ACACA: variants seen among roughly 807,000 people sequenced by gnomAD.
The protein encoded by ACACA is acetyl-CoA carboxylase 1.
Under a neutral mutation model 296.1 loss-of-function variants are expected in ACACA, and 103 were observed. The ratio of observed to expected loss-of-function variants is 0.35; its 90% CI spans 0.30 to 0.41. ACACA has a LOEUF of 0.41. Among genes scored for constraint, ACACA ranks in the 10% least tolerant of loss-of-function variants. ACACA has a pLI of 1.00. For synonymous variants in ACACA, 953 were observed against 1,038.6 expected (o/e 0.92, Z 1.58); for missense variants, 1,554 against 2,989.7 (o/e 0.52, Z 11.20).
intron 1 of ACACA, chr17:37,385,941 A>G (rs1429300144): frequency 2.1e-5 from 23 of 1,070,568 alleles, no homozygotes; most frequent in Non-Finnish European, 3.2e-5. Context: ...GCAGGGTTTC[A>G]TCAGATAAAA....
At chr17:37,105,829 A>G (rs1433078466) in intron 52 of ACACA, among the ~76,000 whole-genome samples, 1 of 150,096 alleles carries the variant, frequency 6.7e-6, no homozygotes, top group East Asian at 2.0e-4. Flanking sequence ...GTGCCATTGC[A>G]CTCCAGCCTG....
intron 50 of ACACA, among the ~76,000 whole-genome samples, chr17:37,116,881 A>T (rs1266680222): frequency 1.3e-5 from 2 of 152,260 alleles, no homozygotes; most frequent in Non-Finnish European, 2.9e-5. Context: ...ATCAGTCTAC[A>T]GAATTTTAAA....
chr17:37,202,207 T>C (rs2078280527), intron 33 of ACACA, among the ~76,000 whole-genome samples: 4 of 152,224 alleles, frequency 2.6e-5, no homozygotes, highest in Admixed American at 6.5e-5. Flanking sequence ...CAAGCATCAG[T>C]AGCTATGTTC....
At chr17:37,343,344 T>C (rs1349015535) in intron 1 of ACACA, among the ~76,000 whole-genome samples, 1 of 152,194 alleles carries the variant, frequency 6.6e-6, no homozygotes, top group Non-Finnish European at 1.5e-5. Context: ...CTCCTTGAAC[T>C]CAAATTACAC....
intron 1 of ACACA, among the ~76,000 whole-genome samples, chr17:37,359,596 A>G (rs915506755): frequency 2.6e-5 from 4 of 152,088 alleles, no homozygotes; most frequent in Non-Finnish European, 1.5e-5. Flanking sequence ...GTCCCAAGTG[A>G]GGGGCCAGGA....
chr17:37,206,755 A>C (rs2078518895), intron 32 of ACACA, 28 bp downstream of exon 32: 2 of 1,531,980 alleles, frequency 1.3e-6, no homozygotes, highest in Non-Finnish European at 9.0e-7. Context: ...GAGGGGAACA[A>C]AGCAGTCTCC....
In ACACA at chr17:37,263,711, G is replaced by A. The variant is rs1189217176; in HGVS notation, c.1303C>T (p.Pro435Ser). The change falls in exon 11 of 56, where the codon CCA (proline) becomes TCA (serine). Residue 435 changes from proline (P) to serine (S), a missense_variant. By Grantham distance (74) the Pro-to-Ser change is moderately conservative (BLOSUM62 -1). Transcript: ENST00000616317. ...TGTTCCATGTGTTCAAATACTGCTG[G>A]AGTAGCAATAGTAGCAGGTGCTTCT... ...IEEAPATIATPAVFEHMEQCA... is the reference protein window; with the variant it reads ...IEEAPATIATSAVFEHMEQCA... 6.2e-7 allele frequency: 1 copy of A among 1,613,968 alleles called. No homozygotes were observed. Among genetic ancestry groups the A allele is most frequent in the Non-Finnish European group, 8.5e-7 (1 of 1,179,914 alleles).
intron 35 of ACACA, among the ~76,000 whole-genome samples, chr17:37,196,655 TAGAC>T (rs1379325120): frequency 5.3e-5 from 8 of 152,076 alleles, no homozygotes; most frequent in African/African-American, 1.9e-4. Context: ...ATATCCCAAT[TAGAC>T]AGCACTTTCT....
At chr17:37,183,141 T>C (rs931497069) in intron 39 of ACACA, among the ~76,000 whole-genome samples, 1 of 152,184 alleles carries the variant, frequency 6.6e-6, no homozygotes, top group African/African-American at 2.4e-5. Context: ...AGCAGGTTCC[T>C]AGAACTACAT....
Position 37,179,369 on chromosome 17 carries a change from G to A in ACACA, c.4970C>T (p.Ala1657Val). 1 of 1,614,170 alleles carries A rather than the reference G, an allele frequency of 6.2e-7. No homozygotes were observed. Among genetic ancestry groups the A allele is most frequent in the Non-Finnish European group, 8.5e-7 (1 of 1,180,006 alleles). The change falls in exon 41 of 56, where the codon GCA becomes GTA. Residue 1657 changes from alanine to valine, a missense_variant. Around this residue, in one of 16 missense-constraint regions of ACACA, gnomAD observed 553 missense variants for 1,043.6 expected, o/e 0.53. Coordinates refer to ENST00000616317, the MANE Select transcript of ACACA (RefSeq NM_198834.3). ...IKLWESMSTQ[A>V]FLPSPPLPSD... The stretch of plus-strand genomic sequence containing the variant: ...AGGCAGAGGGGGAGATGGAAGAAAT[G>A]CTTGAGTGGACATAGACTCCCAGAG...
chr17:37,329,786 A>C (rs892700543), intron 3 of ACACA, among the ~76,000 whole-genome samples: 12 of 151,716 alleles, frequency 7.9e-5, no homozygotes, highest in African/African-American at 2.7e-4. Flanking sequence ...CTAAAAACAC[A>C]AAAAATTAGC....
At chr17:37,233,553 A>C (rs1450530322) in intron 25 of ACACA, among the ~76,000 whole-genome samples, 2 of 152,172 alleles carry the variant, frequency 1.3e-5, no homozygotes, top group African/African-American at 4.8e-5. Context: ...ACTCACCATA[A>C]TTAGCTTCCT....
chr17:37,299,425 C>G, intron 3 of ACACA: 2 of 1,604,132 alleles, frequency 1.2e-6, no homozygotes, highest in Non-Finnish European at 1.7e-6. Context: ...CTGCTTAAAA[C>G]CCAGGAGGAC....
At chr17:37,115,600 C>T (rs1019701555) in intron 50 of ACACA, among the ~76,000 whole-genome samples, 7 of 152,108 alleles carry the variant, frequency 4.6e-5, no homozygotes, top group Non-Finnish European at 1.0e-4. Flanking sequence ...AAATCTATCT[C>T]TGTATTATAA....
intron 45 of ACACA, among the ~76,000 whole-genome samples, chr17:37,142,064 T>C (rs1192870110): frequency 6.6e-6 from 1 of 151,814 alleles, no homozygotes; most frequent in Non-Finnish European, 1.5e-5. Context: ...TTTGAGCACA[T>C]TCATAATAGG....
chr17:37,225,558 AG>A (rs2079505539), intron 26 of ACACA: 2 of 193,112 alleles, frequency 1.0e-5, no homozygotes, highest in Non-Finnish European at 2.1e-5. Context: ...TGACAGCCCC[AG>A]GTACTCGGCA....
chr17:37,253,115 G>C (rs2081068419), intron 14 of ACACA, 79 bp from the exon 15 acceptor site: 2 of 1,600,318 alleles, frequency 1.2e-6, no homozygotes, highest in Non-Finnish European at 1.7e-6. Flanking sequence ...TGTTTGGCCA[G>C]GCATGGTGGC....
intron 41 of ACACA, chr17:37,163,260 CCT>C (rs1354582090): frequency 7.6e-5 from 11 of 144,062 alleles, no homozygotes; most frequent in African/African-American, 2.6e-4. Context: ...CTCCCTCTCA[CCT>C]CTCTCTTGCT....
chr17:37,249,368 C>T (rs1023371145), intron 16 of ACACA, among the ~76,000 whole-genome samples: 2 of 152,134 alleles, frequency 1.3e-5, no homozygotes, highest in African/African-American at 2.4e-5. Context: ...TTTCAGAATA[C>T]CCAGAAGTGG....
Sources: gnomAD v4.1 joint callset for allele counts (sites outside exome capture counted in the v4.1 genomes callset) on GRCh38, gnomAD v4.1.1 for gene constraint, gnomAD v4.1.1 regional missense constraint, MANE v1.5 for transcripts, NCBI Gene and HGNC (gene_info 2026-07-23, HGNC 2026-07-21) for gene names.